AGAP3: variants seen among roughly 807,000 people sequenced by gnomAD.
The protein encoded by AGAP3 is ArfGAP with GTPase domain, ankyrin repeat and PH domain 3.
In AGAP3, 24 loss-of-function variants were observed where a neutral mutation model predicts 96.9. That is an observed-to-expected ratio of 0.25 (90% CI 0.18 to 0.35). The LOEUF is 0.35. Among genes scored for constraint, AGAP3 ranks in the 10% least tolerant of loss-of-function variants. The pLI is 1.00. For synonymous variants in AGAP3, 563 were observed against 536.1 expected, an observed-to-expected ratio of 1.05 and a Z score of -0.69; for missense variants, 876 against 1,254.2, an observed-to-expected ratio of 0.70 and a Z score of 4.55.
In AGAP3 at chr7:151,139,073, G is replaced by A. The variant is rs1422292936; in HGVS notation, c.1666+760G>A. 1.3e-5 allele frequency among the ~76,000 whole-genome samples: 2 copies of A among 152,258 alleles called. No homozygotes were observed. Among genetic ancestry groups the A allele is most frequent in the Admixed American group, 6.5e-5 (1 of 15,290 alleles). ...GAAGGCTCAAAAGGGCATGGAGCCAGCTCTCCTCTCCTGTCCCTTGCGCTT... is the reference window on the plus strand; with the variant it reads ...GAAGGCTCAAAAGGGCATGGAGCCAACTCTCCTCTCCTGTCCCTTGCGCTT... On this transcript the variant is annotated intron_variant, in intron 12 of 17. Transcript: ENST00000397238. This position sits in a 1 kb window ranked among gnomAD's most constrained non-coding sequence, Gnocchi z 4.9.
In AGAP3 at chr7:151,133,933, C is replaced by T. The variant is rs796778896; in HGVS notation, c.1327-467C>T. Among the ~76,000 whole-genome samples the T allele has an allele frequency of 1.3e-5, 2 of 152,160 alleles. No homozygotes were observed. The highest frequency in any genetic ancestry group is 2.9e-5 in the Non-Finnish European group (2 of 68,016). ...ACAAGTGTTTATTATCAGACACTGT[C>T]CTAAGGGCTGGGACTATTCTAGGCT... is the stretch of plus-strand genomic sequence containing the variant. On this transcript the variant is annotated intron_variant, in intron 10 of 17. Transcript: ENST00000397238. This position sits in a 1 kb window ranked among gnomAD's most constrained non-coding sequence, Gnocchi z 5.4.
chr7:151,103,756 T>C (rs984587785), intron 1 of AGAP3, among the ~76,000 whole-genome samples: 1 of 152,198 alleles, frequency 6.6e-6, no homozygotes. Flanking sequence ...GCTTTTTTTG[T>C]TTTCCTAGAT....
chr7:151,103,798 T>G (rs943101388), intron 1 of AGAP3, among the ~76,000 whole-genome samples: 2 of 152,226 alleles, frequency 1.3e-5, no homozygotes, highest in Non-Finnish European at 2.9e-5. Context: ...GTGATACCTT[T>G]TCCCCCATGA....
chr7:151,132,218 G>T (rs1033827648), intron 10 of AGAP3, among the ~76,000 whole-genome samples: 1 of 152,248 alleles, frequency 6.6e-6, no homozygotes, highest in African/African-American at 2.4e-5. Flanking sequence ...CCTTGGCAAG[G>T]CCCCAAGCTG....
At chr7:151,111,144 C>CA (rs1250713492) in intron 1 of AGAP3, among the ~76,000 whole-genome samples, 3 of 152,244 alleles carry the variant, frequency 2.0e-5, no homozygotes, top group African/African-American at 7.2e-5. Context: ...GCCTCCCGGG[C>CA]TCAGTGGCGG....
intron 11 of AGAP3, among the ~76,000 whole-genome samples, chr7:151,135,439 G>A (rs1800555502): frequency 6.6e-6 from 1 of 152,242 alleles, no homozygotes; most frequent in South Asian, 2.1e-4. Flanking sequence ...AGGGGAGGAT[G>A]TGACAGACTT....
chr7:151,099,113 G>C (rs4725990), intron 1 of AGAP3, among the ~76,000 whole-genome samples: 62,803 of 151,210 alleles, frequency 0.42, 14,247 homozygotes, highest in East Asian at 0.59. Flanking sequence ...GGAGGCCGAG[G>C]CAGGCGGATC....
chr7:151,128,536 C>G, intron 9 of AGAP3, 44 bp from the exon 10 acceptor site: 1 of 1,560,728 alleles, frequency 6.4e-7, no homozygotes, highest in Non-Finnish European at 8.8e-7. Flanking sequence ...GCCCTATGAC[C>G]TAGGGGGCTG....
At position 151,095,689 on chromosome 7, in the gene AGAP3, A is replaced by G. The variant is rs1296912044; in HGVS notation, c.331+8617A>G. Among the ~76,000 whole-genome samples the G allele has an allele frequency of 6.1e-5, 7 of 114,680 alleles. No individual in the cohort carries two copies. In the East Asian group the frequency reaches 1.7e-3, roughly 28 times the overall value. The allele number at this position is 114,680 out of a possible 152,430, so 75.2% of individuals were successfully genotyped here. ...AAAGATGCTCTAAATGTCTTGTCCA[A>G]TCACAGTTGTACAAAAAAAAAAAAA... On this transcript the variant is annotated intron_variant, in intron 1 of 17. Coordinates refer to ENST00000397238, the MANE Select transcript of AGAP3 (RefSeq NM_031946.7).
chr7:151,130,570 G>A (rs1246683691), intron 10 of AGAP3, among the ~76,000 whole-genome samples: 1 of 152,034 alleles, frequency 6.6e-6, no homozygotes, highest in Non-Finnish European at 1.5e-5. Flanking sequence ...CTGGGGCTAG[G>A]GTGGGTGTCT....
chr7:151,093,507 T>C (rs1798478490), intron 1 of AGAP3, among the ~76,000 whole-genome samples: 1 of 152,180 alleles, frequency 6.6e-6, no homozygotes, highest in Non-Finnish European at 1.5e-5. Flanking sequence ...TACATGCTTG[T>C]TACAAGCCAT....
At chr7:151,109,183 AAAAAC>A (rs147653533) in intron 1 of AGAP3, among the ~76,000 whole-genome samples, 3,297 of 151,046 alleles carry the variant, frequency 0.022, 127 homozygotes, top group African/African-American at 0.076. Flanking sequence ...AAAAAAAACA[AAAAAC>A]AAAAAACAAA....
intron 8 of AGAP3, chr7:151,120,546 T>A: frequency 9.0e-7 from 1 of 1,106,648 alleles, no homozygotes; most frequent in Non-Finnish European, 1.2e-6. Flanking sequence ...CGGAAGGCTG[T>A]TTGCCCAAGG....
intron 1 of AGAP3, among the ~76,000 whole-genome samples, chr7:151,092,720 GTAA>G (rs1158067368): frequency 6.6e-6 from 1 of 152,146 alleles, no homozygotes; most frequent in Non-Finnish European, 1.5e-5. Flanking sequence ...CCTAGATTAA[GTAA>G]CTTTCCTGAA....
chr7:151,117,829 G>A (rs959291018), intron 5 of AGAP3, 52 bp downstream of exon 5: 78 of 1,560,478 alleles, frequency 5.0e-5, no homozygotes, highest in South Asian at 1.3e-4. Context: ...CCCGGGCAAC[G>A]ATGCATGGGG....
At chr7:151,105,600 A>G (rs1799008634) in intron 1 of AGAP3, among the ~76,000 whole-genome samples, 1 of 151,670 alleles carries the variant, frequency 6.6e-6, no homozygotes, top group Non-Finnish European at 1.5e-5. Flanking sequence ...TACAAAAAAA[A>G]AAAAAAGAAA....
intron 12 of AGAP3, among the ~76,000 whole-genome samples, chr7:151,138,681 C>T (rs1032383883): frequency 2.6e-5 from 4 of 152,218 alleles, no homozygotes; most frequent in African/African-American, 9.6e-5. Context: ...ATCAGCCCCC[C>T]GCGCAGTTAG....
At chr7:151,121,742 C>A (rs1356508105) in intron 8 of AGAP3, among the ~76,000 whole-genome samples, 2 of 152,210 alleles carry the variant, frequency 1.3e-5, no homozygotes, top group African/African-American at 2.4e-5. Context: ...CTTATATTTT[C>A]CTTCCATTGT....
At chr7:151,099,823 T>C (rs1397945636) in intron 1 of AGAP3, among the ~76,000 whole-genome samples, 1 of 152,222 alleles carries the variant, frequency 6.6e-6, no homozygotes, top group African/African-American at 2.4e-5. Context: ...TTTTTTTTGT[T>C]TGTTTGTTTG....
Sources: gnomAD v4.1 joint callset for allele counts (sites outside exome capture counted in the v4.1 genomes callset) on GRCh38, gnomAD v4.1.1 for gene constraint, Gnocchi (gnomAD v3.1) non-coding constraint, MANE v1.5 for transcripts, NCBI Gene and HGNC (gene_info 2026-07-23, HGNC 2026-07-21) for gene names.